The following CTNND2 variants were observed in gnomAD, a reference collection of about 807,000 sequenced individuals.
CTNND2 encodes the protein catenin delta-2.
In CTNND2, 22 loss-of-function variants were observed where a neutral mutation model predicts 144.4. The ratio of observed to expected loss-of-function variants is 0.15; its 90% CI spans 0.11 to 0.22. The LOEUF (loss-of-function observed/expected upper bound fraction) is 0.22, where lower values mean the gene tolerates loss of function less well. CTNND2 is among the 10% of genes least tolerant of loss of function. The probability of loss-of-function intolerance (pLI) is 1.00; values close to 1 mark genes in which losing one functional copy is unlikely to be tolerated. For synonymous variants in CTNND2, 751 were observed against 695.6 expected, an observed-to-expected ratio of 1.08 and a Z score of -1.25; for missense variants, 1,353 against 1,618.8, an observed-to-expected ratio of 0.84 and a Z score of 2.82.
intron 2 of CTNND2, among the ~76,000 whole-genome samples, chr5:11,644,769 C>T (rs1782261789): frequency 6.6e-6 from 1 of 152,024 alleles, no homozygotes. Flanking sequence ...CATGACTGCC[C>T]ACTATATGGT....
intron 8 of CTNND2, among the ~76,000 whole-genome samples, chr5:11,355,612 G>A (rs574367040): frequency 6.6e-6 from 1 of 152,170 alleles, no homozygotes; most frequent in East Asian, 1.9e-4. Flanking sequence ...TTTACTCTAA[G>A]GTCAGGAACA....
chr5:11,385,158 C>A lies in CTNND2; in HGVS notation c.684G>T (p.Glu228Asp). The change falls in exon 7 of 22, where the codon GAG becomes GAT. Residue 228 changes from glutamate (E) to aspartate (D), a missense_variant. Transcript: ENST00000304623. Reference sequence around the variant, plus strand: ...CGCTGCCCAGGCTGGGCGCGAACGGCTCCCGCGGCGGCGGCGGCGGCGGCG... The same window carrying A: ...CGCTGCCCAGGCTGGGCGCGAACGGATCCCGCGGCGGCGGCGGCGGCGGCG... Reference protein sequence around the residue: ...PAPPPPPPPREPFAPSLGSAF... With the variant: ...PAPPPPPPPRDPFAPSLGSAF... The A allele has an allele frequency of 9.9e-7, 1 of 1,010,852 alleles. No homozygotes were observed. The highest frequency in any genetic ancestry group is 1.2e-6 in the Non-Finnish European group (1 of 849,368). The allele number at this position is 1,010,852 out of a possible 1,614,324, so 62.6% of individuals were successfully genotyped here.
At chr5:11,416,873 A>T (rs546504562) in intron 3 of CTNND2, among the ~76,000 whole-genome samples, 1 of 152,334 alleles carries the variant, frequency 6.6e-6, no homozygotes, top group South Asian at 2.1e-4. Flanking sequence ...GACTATAGAC[A>T]TAATTTTGAT....
intron 2 of CTNND2, among the ~76,000 whole-genome samples, chr5:11,623,407 T>C (rs1780955062): frequency 6.6e-6 from 1 of 152,052 alleles, no homozygotes; most frequent in Non-Finnish European, 1.5e-5. Flanking sequence ...GGTTTCCCCT[T>C]TCTCTTGGCC....
chr5:11,004,972 G>A (rs1348708375), intron 18 of CTNND2, among the ~76,000 whole-genome samples: 1 of 152,114 alleles, frequency 6.6e-6, no homozygotes, highest in Non-Finnish European at 1.5e-5. Flanking sequence ...GAAGATGAAG[G>A]AGAAACAGGT....
At chr5:11,774,971 T>A (rs2126834453) in intron 1 of CTNND2, among the ~76,000 whole-genome samples, 1 of 152,310 alleles carries the variant, frequency 6.6e-6, no homozygotes, top group South Asian at 2.1e-4. Context: ...AATCCCATCC[T>A]AGTTGTCCTT....
chr5:11,814,302 G>A (rs1458620189), intron 1 of CTNND2, among the ~76,000 whole-genome samples: 5 of 152,144 alleles, frequency 3.3e-5, no homozygotes, highest in African/African-American at 1.2e-4. Flanking sequence ...ATATAAAACT[G>A]AAGGCGTCTT....
chr5:11,008,651 G>A (rs1176496648), intron 18 of CTNND2, among the ~76,000 whole-genome samples: 2 of 152,180 alleles, frequency 1.3e-5, no homozygotes, highest in South Asian at 2.1e-4. Flanking sequence ...CCACTTTCTC[G>A]AAGTCTTAGA....
At chr5:11,377,540 A>G (rs185451291) in intron 7 of CTNND2, among the ~76,000 whole-genome samples, 1 of 152,290 alleles carries the variant, frequency 6.6e-6, no homozygotes, top group African/African-American at 2.4e-5. Context: ...AAGTCATATC[A>G]ATATCAATAA....
intron 2 of CTNND2, among the ~76,000 whole-genome samples, chr5:11,673,458 G>T (rs2561616): frequency 0.18 from 27,053 of 152,024 alleles, 4,184 homozygotes; most frequent in African/African-American, 0.42. Flanking sequence ...CTGCTTTAAT[G>T]GTTAAGCAAA....
chr5:11,784,637 C>T (rs1790732911), intron 1 of CTNND2, among the ~76,000 whole-genome samples: 1 of 152,122 alleles, frequency 6.6e-6, no homozygotes, highest in South Asian at 2.1e-4. Context: ...CCTGGTTGAG[C>T]GTGATTTAAT....
At chr5:11,716,800 C>T (rs1245966416) in intron 2 of CTNND2, among the ~76,000 whole-genome samples, 2 of 152,118 alleles carry the variant, frequency 1.3e-5, no homozygotes, top group Non-Finnish European at 2.9e-5. Flanking sequence ...AATGCTCCTA[C>T]CTCAGCCTCC....
chr5:11,432,819 A>G (rs1472311791), intron 3 of CTNND2, among the ~76,000 whole-genome samples: 1 of 152,222 alleles, frequency 6.6e-6, no homozygotes, highest in Non-Finnish European at 1.5e-5. Context: ...CGTTTCTCTA[A>G]AGGGGCTGAA....
At chr5:11,116,391 G>T (rs1753550141) in intron 13 of CTNND2, among the ~76,000 whole-genome samples, 1 of 152,198 alleles carries the variant, frequency 6.6e-6, no homozygotes, top group African/African-American at 2.4e-5. Context: ...ACATGACAAA[G>T]AATAATTCAC....
intron 3 of CTNND2, among the ~76,000 whole-genome samples, chr5:11,501,901 G>A (rs903875888): frequency 6.6e-6 from 1 of 151,862 alleles, no homozygotes; most frequent in Non-Finnish European, 1.5e-5. Context: ...GGTTGCAGGT[G>A]CCTGTAGTCC....
intron 9 of CTNND2, among the ~76,000 whole-genome samples, chr5:11,253,795 T>C (rs1237752288): frequency 6.6e-6 from 1 of 152,246 alleles, no homozygotes; most frequent in East Asian, 1.9e-4. Flanking sequence ...ATTATTCTGC[T>C]CACCTTAGTG....
intron 1 of CTNND2, among the ~76,000 whole-genome samples, chr5:11,770,415 A>AAG: frequency 1.0e-4 from 1 of 10,030 alleles, no homozygotes; most frequent in African/African-American, 1.1e-4. Flanking sequence ...AAAAAAGGAA[A>AAG]GAAGGAAGGA....
At chr5:11,741,381 T>C (rs1330880518) in intron 1 of CTNND2, among the ~76,000 whole-genome samples, 3 of 152,160 alleles carry the variant, frequency 2.0e-5, no homozygotes, top group Admixed American at 6.5e-5. Context: ...TGGAATACCA[T>C]GCAGCCGTAA....
intron 9 of CTNND2, among the ~76,000 whole-genome samples, chr5:11,310,463 T>C (rs1440603850): frequency 1.3e-5 from 2 of 152,104 alleles, no homozygotes; most frequent in South Asian, 2.1e-4. Context: ...AAGTCATCTT[T>C]TGCGACAGCT....
Sources: allele counts gnomAD v4.1 joint callset (sites outside exome capture counted in the v4.1 genomes callset), GRCh38; gene constraint gnomAD v4.1.1; transcripts MANE v1.5; gene names NCBI Gene and HGNC (gene_info 2026-07-23, HGNC 2026-07-21).